CCDC149: variants seen among roughly 807,000 people sequenced by gnomAD.
CCDC149 encodes the protein coiled-coil domain containing 149.
A neutral mutation model predicts 59.9 loss-of-function variants in CCDC149; 45 were observed. The ratio of observed to expected loss-of-function variants is 0.75; its 90% CI spans 0.59 to 0.96. The LOEUF is 0.96. Ranked by LOEUF, CCDC149 falls within the 40% of genes least tolerant of loss-of-function variation. CCDC149 has a pLI of 0.00. For synonymous variants in CCDC149, 245 were observed against 260.6 expected, an observed-to-expected ratio of 0.94 and a Z score of 0.58; for missense variants, 584 against 664.7, an observed-to-expected ratio of 0.88 and a Z score of 1.33.
At chr4:24,974,248 C>G (rs1214661813) in intron 1 of CCDC149, among the ~76,000 whole-genome samples, 1 of 152,198 alleles carries the variant, frequency 6.6e-6, no homozygotes, top group East Asian at 1.9e-4. Flanking sequence ...TTAGGAGAGA[C>G]TCGGGAGGCA....
At chr4:24,824,314 C>T (rs1241932797) in intron 9 of CCDC149, among the ~76,000 whole-genome samples, 1 of 152,166 alleles carries the variant, frequency 6.6e-6, no homozygotes, top group African/African-American at 2.4e-5. Context: ...TGACACTTAT[C>T]AGCATCTGAT....
Position 24,808,440 on chromosome 4 carries a change from G to A in CCDC149, c.1572C>T (p.Asp524=), listed in dbSNP as rs778687372. Reference sequence around the variant, plus strand: ...CTCCGCCCTCTGGGATCCCTTTGCCGTCTTCCGGTGTGGAAGCTTTGGCTG... The same window carrying A: ...CTCCGCCCTCTGGGATCCCTTTGCCATCTTCCGGTGTGGAAGCTTTGGCTG... Residue 524 remains aspartate, a synonymous_variant, in exon 13 of 13, where the codon GAC becomes GAT. Coordinates refer to ENST00000635206, the MANE Select transcript of CCDC149 (RefSeq NM_001330643.2). The A allele has an allele frequency of 7.1e-5, 104 of 1,461,808 alleles. No homozygotes were observed. The highest frequency in any genetic ancestry group is 3.5e-4 in the East Asian group (14 of 40,228). 90.6% of individuals were successfully genotyped at this position (1,461,808 alleles called of 1,614,324 possible).
At chr4:24,875,403 C>A (rs963088984) in intron 2 of CCDC149, among the ~76,000 whole-genome samples, 1 of 151,428 alleles carries the variant, frequency 6.6e-6, no homozygotes, top group Non-Finnish European at 1.5e-5. Context: ...TGAGTTAGAT[C>A]TGTAGGCCTA....
chr4:24,843,736 C>G (rs1457170591), intron 4 of CCDC149, among the ~76,000 whole-genome samples: 1 of 152,160 alleles, frequency 6.6e-6, no homozygotes, highest in Admixed American at 6.5e-5. Context: ...GCAGTCCAAG[C>G]GAGCAGTGTG....
intron 1 of CCDC149, among the ~76,000 whole-genome samples, chr4:24,904,421 G>A (rs1028375668): frequency 2.0e-5 from 3 of 152,216 alleles, no homozygotes; most frequent in Admixed American, 1.3e-4. Flanking sequence ...GCTCCACAAG[G>A]AGCAGTACGT....
chr4:24,940,572 A>T (rs1722923320), intron 1 of CCDC149, among the ~76,000 whole-genome samples: 2 of 152,238 alleles, frequency 1.3e-5, no homozygotes, highest in African/African-American at 4.8e-5. Context: ...AAATGGGCTA[A>T]ATGCTCTAAT....
intron 1 of CCDC149, among the ~76,000 whole-genome samples, chr4:24,972,340 C>T (rs115540997): frequency 0.02 from 2,756 of 134,742 alleles, 78 homozygotes; most frequent in African/African-American, 0.082. Flanking sequence ...AGACAAGGCT[C>T]TCTGTCACCC....
intron 8 of CCDC149, among the ~76,000 whole-genome samples, chr4:24,832,464 G>A (rs1716222008): frequency 6.6e-6 from 1 of 152,176 alleles, no homozygotes; most frequent in African/African-American, 2.4e-5. Context: ...TCACGGCCAA[G>A]TTCAAAATGA....
chr4:24,937,550 G>T (rs887547956), intron 1 of CCDC149, among the ~76,000 whole-genome samples: 1 of 152,218 alleles, frequency 6.6e-6, no homozygotes, highest in Non-Finnish European at 1.5e-5. Flanking sequence ...CTTAGTCTTT[G>T]TAGTTAAGCA....
chr4:24,947,034 G>C (rs1479200384), intron 1 of CCDC149, among the ~76,000 whole-genome samples: 2 of 152,160 alleles, frequency 1.3e-5, no homozygotes, highest in African/African-American at 4.8e-5. Flanking sequence ...ACAGGTTCCT[G>C]TGCAGGACAG....
intron 1 of CCDC149, among the ~76,000 whole-genome samples, chr4:24,878,559 A>T (rs1195703735): frequency 6.6e-6 from 1 of 152,226 alleles, no homozygotes; most frequent in Non-Finnish European, 1.5e-5. Context: ...TTTACACACA[A>T]TTTAACACAT....
At chr4:24,933,054 G>GA (rs201516788) in intron 1 of CCDC149, among the ~76,000 whole-genome samples, 1 of 151,724 alleles carries the variant, frequency 6.6e-6, no homozygotes, top group Admixed American at 6.6e-5. Context: ...AGTCAGGCAG[G>GA]AAAAAAAACA....
At chr4:24,919,303 A>G (rs1722218056) in intron 1 of CCDC149, among the ~76,000 whole-genome samples, 1 of 152,322 alleles carries the variant, frequency 6.6e-6, no homozygotes, top group South Asian at 2.1e-4. Flanking sequence ...GTAGATAGCC[A>G]TGTTCCCAAG....
chr4:24,867,793 T>G (rs889746678), intron 3 of CCDC149, among the ~76,000 whole-genome samples: 5 of 152,174 alleles, frequency 3.3e-5, no homozygotes, highest in Non-Finnish European at 7.3e-5. Flanking sequence ...CAAGGGGCGA[T>G]CATTGCAATC....
chr4:24,808,579 CTT>C lies in CCDC149; in HGVS notation c.1431_1432del (p.Pro481HisfsTer7), dbSNP rs1714371948. On this transcript the variant is annotated frameshift_variant, in exon 13 of 13. Coordinates refer to ENST00000635206, the MANE Select transcript of CCDC149 (RefSeq NM_001330643.2). LOFTEE classifies it low-confidence loss of function (END_TRUNC). ...CCTCTGACCTTCTATGGGACTCTCT[CTT>C]CTGACCTCTTCCAGTTCTGCAGCTG... The C allele has an allele frequency of 9.0e-6, 14 of 1,551,974 alleles. No individual in the cohort carries two copies. In the East Asian group the frequency reaches 3.4e-4, roughly 38 times the overall value.
intron 1 of CCDC149, among the ~76,000 whole-genome samples, chr4:24,960,929 C>T (rs1723618263): frequency 6.6e-6 from 1 of 152,090 alleles, no homozygotes; most frequent in African/African-American, 2.4e-5. Context: ...ACTAGAATTA[C>T]CAATTATCCA....
intron 1 of CCDC149, among the ~76,000 whole-genome samples, chr4:24,973,210 T>A (rs1234939673): frequency 6.6e-6 from 1 of 152,180 alleles, no homozygotes; most frequent in Non-Finnish European, 1.5e-5. Flanking sequence ...AAGTCTTATG[T>A]CTCCCTAACA....
intron 1 of CCDC149, among the ~76,000 whole-genome samples, chr4:24,956,834 A>T (rs1723480579): frequency 6.6e-6 from 1 of 152,258 alleles, no homozygotes; most frequent in Non-Finnish European, 1.5e-5. Context: ...AGCATACTTC[A>T]TTCACACTTG....
At chr4:24,979,085 G>A (rs1724347857) in intron 1 of CCDC149, among the ~76,000 whole-genome samples, 2 of 152,226 alleles carry the variant, frequency 1.3e-5, no homozygotes, top group South Asian at 4.1e-4. Context: ...AGCCAGTAAA[G>A]GGTGAATTAA....
Sources: gnomAD v4.1 joint callset for allele counts (sites outside exome capture counted in the v4.1 genomes callset) on GRCh38, gnomAD v4.1.1 for gene constraint, MANE v1.5 for transcripts, NCBI Gene and HGNC (gene_info 2026-07-23, HGNC 2026-07-21) for gene names.